The following SIGLECL1 variants were observed in gnomAD, a reference collection of about 807,000 sequenced individuals.
The protein encoded by SIGLECL1 is SIGLEC family-like protein 1.
In SIGLECL1, 16 loss-of-function variants were observed where a neutral mutation model predicts 19.1. That is an observed-to-expected ratio of 0.84 (90% CI 0.57 to 1.27). SIGLECL1 has a LOEUF of 1.27. SIGLECL1 is among the 50% of genes most tolerant of loss of function. The probability of loss-of-function intolerance (pLI) is 0.00; values close to 1 mark genes in which losing one functional copy is unlikely to be tolerated. For synonymous variants in SIGLECL1, 89 were observed against 90.4 expected (o/e 0.98, Z 0.09); for missense variants, 210 against 239.4 (o/e 0.88, Z 0.81).
chr19:51,263,632 C>T (rs1983398730), intron 1 of SIGLECL1, among the ~76,000 whole-genome samples: 1 of 152,140 alleles, frequency 6.6e-6, no homozygotes, highest in Admixed American at 6.6e-5. Context: ...GTGGTGAATA[C>T]CTGTAATTCC....
chr19:51,257,014 A>G (rs1032201104), intron 1 of SIGLECL1, among the ~76,000 whole-genome samples: 4 of 152,210 alleles, frequency 2.6e-5, no homozygotes, highest in African/African-American at 7.2e-5. Context: ...TATATAAATG[A>G]CAAATGATCC....
intron 5 of SIGLECL1, 109 bp downstream of exon 5, chr19:51,267,638 G>A (rs1983779601): frequency 7.8e-7 from 1 of 1,288,742 alleles, no homozygotes; most frequent in African/African-American, 1.5e-5. Flanking sequence ...CAGTCTTGCA[G>A]GATACCTAAT....
chr19:51,262,733 A>G (rs1983325493), intron 1 of SIGLECL1, among the ~76,000 whole-genome samples: 1 of 152,140 alleles, frequency 6.6e-6, no homozygotes, highest in South Asian at 2.1e-4. Context: ...TATTCAAAAG[A>G]GAGTCCTTTA....
At chr19:51,251,845 C>T (rs1410979047) in intron 1 of SIGLECL1, among the ~76,000 whole-genome samples, 2 of 152,138 alleles carry the variant, frequency 1.3e-5, no homozygotes, top group Admixed American at 6.5e-5. Context: ...TCAGCCCTTC[C>T]CTTAGAAAGC....
upstream of SIGLECL1, among the ~76,000 whole-genome samples, chr19:51,249,752 G>A (rs1326100244): frequency 6.6e-6 from 1 of 152,236 alleles, no homozygotes; most frequent in East Asian, 1.9e-4. Context: ...CCCCAAGAGA[G>A]GATTCTTGTA....
At chr19:51,253,304 A>G (rs1982608634) in intron 1 of SIGLECL1, among the ~76,000 whole-genome samples, 1 of 152,186 alleles carries the variant, frequency 6.6e-6, no homozygotes, top group Non-Finnish European at 1.5e-5. Flanking sequence ...AAGTAGGCCT[A>G]GAGAGAGGTG....
chr19:51,267,334 G>T, intron 4 of SIGLECL1, 39 bp from the exon 5 acceptor site: 1 of 1,596,864 alleles, frequency 6.3e-7, no homozygotes. Context: ...GATTCAGGGA[G>T]ATGGAGAGCC....
At chr19:51,250,098 T>TC (rs1982403025), upstream of SIGLECL1, among the ~76,000 whole-genome samples, 1 of 151,314 alleles carries the variant, frequency 6.6e-6, no homozygotes, top group Non-Finnish European at 1.5e-5. Flanking sequence ...TTTTTTTTTT[T>TC]CCTTTTGAGT....
At chr19:51,260,173 A>G (rs761470639) in intron 1 of SIGLECL1, among the ~76,000 whole-genome samples, 8 of 152,232 alleles carry the variant, frequency 5.3e-5, no homozygotes, top group Non-Finnish European at 1.2e-4. Context: ...CATACCCCCT[A>G]CAAATGATAA....
chr19:51,255,669 G>A (rs1019101607), intron 1 of SIGLECL1, among the ~76,000 whole-genome samples: 1 of 152,052 alleles, frequency 6.6e-6, no homozygotes, highest in Non-Finnish European at 1.5e-5. Context: ...TACCAAAATG[G>A]CCAACAAGTA....
chr19:51,266,598 C>T lies in SIGLECL1; in HGVS notation c.410+716C>T, dbSNP rs17728867. On this transcript the variant is annotated intron_variant, in intron 4 of 5. Transcript: ENST00000601727. ...GGGATATCTAACCTTTGTATGCAGA[C>T]GCCCAGAGGCATGTTTGAGGCATTT... Among the ~76,000 whole-genome samples the T allele has an allele frequency of 6.4e-4, 97 of 151,914 alleles. 1 individual carries two copies. In the East Asian group the frequency reaches 0.014, roughly 21 times the overall value.
upstream of SIGLECL1, among the ~76,000 whole-genome samples, chr19:51,248,251 G>A (rs1982329557): frequency 6.6e-6 from 1 of 152,100 alleles, no homozygotes; most frequent in African/African-American, 2.4e-5. Context: ...AGAAGATTAG[G>A]GTGGGGTTAC....
chr19:51,253,232 CATT>C (rs749357181), intron 1 of SIGLECL1, among the ~76,000 whole-genome samples: 3 of 152,166 alleles, frequency 2.0e-5, no homozygotes, highest in African/African-American at 4.8e-5. Flanking sequence ...TCTACTGACT[CATT>C]TAATCTTAAC....
chr19:51,252,775 G>A (rs1468356010), intron 1 of SIGLECL1, among the ~76,000 whole-genome samples: 1 of 152,116 alleles, frequency 6.6e-6, no homozygotes, highest in Non-Finnish European at 1.5e-5. Context: ...CCGAAATATG[G>A]AATAGGAAAG....
chr19:51,265,826 T>G lies in SIGLECL1; in HGVS notation c.354T>G (p.Gly118=), dbSNP rs1297564551. 6.2e-7 allele frequency: 1 copy of G among 1,614,126 alleles called. No individual in the cohort carries two copies. Among genetic ancestry groups the G allele is most frequent in the Non-Finnish European group, 8.5e-7 (1 of 1,180,014 alleles). The change falls in exon 4 of 6, where the codon GGT becomes GGG. Residue 118 remains glycine, a synonymous_variant. Coordinates refer to ENST00000601727, the MANE Select transcript of SIGLECL1 (RefSeq NM_001385465.1). The part of the protein sequence containing the change: ...AQAFVKGLIQ[G]AIYAGIVIAL... Reference sequence around the variant, plus strand: ...CCTTCGTGAAAGGGCTGATCCAGGGTGCTATCTATGCGGGAATTGTAATTG... The same window carrying G: ...CCTTCGTGAAAGGGCTGATCCAGGGGGCTATCTATGCGGGAATTGTAATTG...
chr19:51,262,312 C>G (rs916569028), intron 1 of SIGLECL1, among the ~76,000 whole-genome samples: 1 of 152,100 alleles, frequency 6.6e-6, no homozygotes, highest in Non-Finnish European at 1.5e-5. Context: ...TATATTATGG[C>G]TAGTCTGAAT....
In SIGLECL1 at chr19:51,267,444, G is replaced by A. The variant is rs867912799; in HGVS notation, c.482G>A (p.Arg161Lys). Residue 161 changes from arginine to lysine, a missense_variant, in exon 5 of 6, where the codon AGA becomes AAA. Coordinates refer to ENST00000601727, the MANE Select transcript of SIGLECL1 (RefSeq NM_001385465.1). ...AGAGCAAAAAAGAGCTCTAAAGTCA[G>A]AGCAAGCCAAGAACTTGAGATGTCT... is the stretch of plus-strand genomic sequence containing the variant. ...AIRAKKSSKV[R>K]ASQELEMSLK... 6.2e-7 allele frequency: 1 copy of A among 1,614,192 alleles called. No individual in the cohort carries two copies. Among genetic ancestry groups the A allele is most frequent in the East Asian group, 2.2e-5 (1 of 44,886 alleles).
At chr19:51,247,182 G>A (rs754830817), upstream of SIGLECL1, among the ~76,000 whole-genome samples, 1 of 152,128 alleles carries the variant, frequency 6.6e-6, no homozygotes, top group African/African-American at 2.4e-5. Context: ...AGGGTGCATG[G>A]TCAGATGTTG....
upstream of SIGLECL1, among the ~76,000 whole-genome samples, chr19:51,248,771 G>A (rs1017522331): frequency 7.2e-5 from 11 of 152,328 alleles, no homozygotes; most frequent in South Asian, 2.1e-4. Context: ...AAAGGGGAAC[G>A]GTAGCCTTAA....
Sources: gnomAD v4.1 joint callset for allele counts (sites outside exome capture counted in the v4.1 genomes callset) on GRCh38, gnomAD v4.1.1 for gene constraint, MANE v1.5 for transcripts, NCBI Gene and HGNC (gene_info 2026-07-23, HGNC 2026-07-21) for gene names.